Variants in UNC13A observed in about 807,000 individuals in gnomAD.
UNC13A encodes the protein unc-13 homolog A.
UNC13A carries 61 observed loss-of-function variants against 219.7 expected under a neutral mutation model. That is an observed-to-expected ratio of 0.28 (90% confidence interval 0.23 to 0.34). UNC13A has a LOEUF of 0.34. Ranked by LOEUF, UNC13A falls within the 10% of genes least tolerant of loss-of-function variation. The pLI is 1.00. For synonymous variants in UNC13A, 920 were observed against 884.6 expected (o/e 1.04, Z -0.71); for missense variants, 1,476 against 2,270.3 (o/e 0.65, Z 7.11).
chr19:17,648,583 T>C lies in UNC13A; in HGVS notation c.1664A>G (p.Asn555Ser). 2 of 1,613,982 alleles carry C rather than the reference T, an allele frequency of 1.2e-6. No homozygotes were observed. The highest frequency in any genetic ancestry group is 4.5e-5 in the East Asian group (2 of 44,876). Reference protein sequence around the residue: ...IYPISCTTPHNFEVWTATTPT... With the variant: ...IYPISCTTPHSFEVWTATTPT... ...CGTGGTGGCCGTCCACACTTCGAAG[T>C]TGTGTGGCGTCGTGCACGAGATGGG... Residue 555 changes from asparagine (N) to serine (S), a missense_variant, in exon 16 of 44, where the codon AAC (asparagine) becomes AGC (serine). Asn to Ser is a conservative substitution (Grantham distance 46, BLOSUM62 1). Coordinates refer to ENST00000519716, the MANE Select transcript of UNC13A (RefSeq NM_001080421.3).
At chr19:17,635,742 TAAA>T (rs1356143397) in intron 26 of UNC13A, among the ~76,000 whole-genome samples, 2 of 152,128 alleles carry the variant, frequency 1.3e-5, no homozygotes, top group Non-Finnish European at 2.9e-5. Flanking sequence ...TACATACACA[TAAA>T]AAATTATACA....
chr19:17,655,219 C>T, intron 11 of UNC13A, 55 bp downstream of exon 11: 1 of 1,419,970 alleles, frequency 7.0e-7, no homozygotes, highest in Non-Finnish European at 9.6e-7. Flanking sequence ...GTGGGCCTGC[C>T]ATTGGGCGTG....
At chr19:17,673,645 A>G (rs2079838751) in intron 3 of UNC13A, among the ~76,000 whole-genome samples, 1 of 151,836 alleles carries the variant, frequency 6.6e-6, no homozygotes, top group African/African-American at 2.4e-5. Context: ...GTGAGCCGAG[A>G]TTGCACCACT....
Position 17,606,330 on chromosome 19 carries a change from G to A in UNC13A, c.4836C>T (p.Pro1612=), listed in dbSNP as rs745379820. The A allele has an allele frequency of 4.5e-6, 7 of 1,547,390 alleles. No homozygotes were observed. The highest frequency in any genetic ancestry group is 6.1e-6 in the Non-Finnish European group (7 of 1,147,482). Residue 1612 remains proline (P), a synonymous_variant, in exon 44 of 44, where the codon CCC becomes CCT. Coordinates refer to ENST00000519716, the MANE Select transcript of UNC13A (RefSeq NM_001080421.3). ...CGCACACCTGCAGCTCATAGCACTCGGGACCCGCGTCGGCGCTCAGCGTGC... is the reference window on the plus strand; with the variant it reads ...CGCACACCTGCAGCTCATAGCACTCAGGACCCGCGTCGGCGCTCAGCGTGC... ...FQFTLSADAG[P]ECYELQVCVK... is the part of the protein sequence containing the mutation.
At chr19:17,624,122 C>CTTTTTTTTTTTTTTT (rs762349924) in intron 35 of UNC13A, among the ~76,000 whole-genome samples, 1 of 136,464 alleles carries the variant, frequency 7.3e-6, no homozygotes. Context: ...TATGCCTTCT[C>CTTTTTTTTTTTTTTT]TTTTTTTTTT....
At chr19:17,669,006 G>C (rs2079722838) in intron 5 of UNC13A, among the ~76,000 whole-genome samples, 1 of 152,126 alleles carries the variant, frequency 6.6e-6, no homozygotes, top group Non-Finnish European at 1.5e-5. Context: ...AGATGGCCCA[G>C]GCTGGTCTCA....
chr19:17,681,457 C>G (rs1047336898), intron 1 of UNC13A, among the ~76,000 whole-genome samples: 1 of 152,080 alleles, frequency 6.6e-6, no homozygotes, highest in Non-Finnish European at 1.5e-5. Context: ...GATAAAAGAC[C>G]TCAGCTGTGC....
intron 18 of UNC13A, 32 bp from the exon 19 acceptor site, chr19:17,645,875 T>A: frequency 6.3e-7 from 1 of 1,585,372 alleles, no homozygotes; most frequent in Non-Finnish European, 8.6e-7. Flanking sequence ...GAGGCAGGGG[T>A]CAGGCAGCCA....
intron 42 of UNC13A, among the ~76,000 whole-genome samples, chr19:17,610,578 A>T (rs2076592292): frequency 6.6e-6 from 1 of 152,206 alleles, no homozygotes; most frequent in East Asian, 1.9e-4. Context: ...TCATATGACT[A>T]TGTTTTGGCC....
At chr19:17,618,381 A>C in intron 40 of UNC13A, 40 bp downstream of exon 40, 1 of 1,546,206 alleles carries the variant, frequency 6.5e-7, no homozygotes, top group Non-Finnish European at 8.8e-7. Context: ...CACACCCTCT[A>C]CATCCCCCAC....
intron 7 of UNC13A, among the ~76,000 whole-genome samples, chr19:17,665,407 A>G (rs2079622544): frequency 6.6e-6 from 1 of 152,194 alleles, no homozygotes; most frequent in Non-Finnish European, 1.5e-5. Context: ...GTCTGGATGC[A>G]TCTGAGTGTC....
chr19:17,657,872 A>C (rs1433232666), intron 9 of UNC13A, among the ~76,000 whole-genome samples, 190 bp downstream of exon 9: 1 of 146,770 alleles, frequency 6.8e-6, no homozygotes, highest in Non-Finnish European at 1.5e-5. Context: ...CTGTCTAAAA[A>C]AAAAAGAAAA....
At position 17,656,058 on chromosome 19, in the gene UNC13A, T is replaced by C. The variant is rs752581227; in HGVS notation, c.1108A>G (p.Lys370Glu). 2.6e-6 allele frequency: 4 copies of C among 1,556,650 alleles called. No individual in the cohort carries two copies. The highest frequency in any genetic ancestry group is 2.7e-5 in the African/African-American group (2 of 73,384). The change falls in exon 10 of 44, where the codon AAA (lysine) becomes GAA (glutamate). Residue 370 changes from lysine to glutamate, a missense_variant. Coordinates refer to ENST00000519716, the MANE Select transcript of UNC13A (RefSeq NM_001080421.3). ...GGGAGGCTGATGCGTTTGAAGTCTT[T>C]GGGCTCAGCCACAGCTACGTCTTCA... is the stretch of plus-strand genomic sequence containing the variant. ...QREDVAVAEP[K>E]DFKRISLPPA...
At chr19:17,685,903 G>T (rs1262304044) in intron 1 of UNC13A, among the ~76,000 whole-genome samples, 1 of 151,906 alleles carries the variant, frequency 6.6e-6, no homozygotes, top group African/African-American at 2.4e-5. Context: ...CTCCTGCCAA[G>T]CCCACCCCAA....
At chr19:17,650,764 C>T (rs1244962220) in intron 12 of UNC13A, among the ~76,000 whole-genome samples, 1 of 151,650 alleles carries the variant, frequency 6.6e-6, no homozygotes, top group Non-Finnish European at 1.5e-5. Flanking sequence ...AGGCGTGAGC[C>T]ACCATGCCCA....
At chr19:17,634,505 ATT>A (rs1191675670) in intron 26 of UNC13A, among the ~76,000 whole-genome samples, 1 of 151,928 alleles carries the variant, frequency 6.6e-6, no homozygotes, top group Non-Finnish European at 1.5e-5. Flanking sequence ...TGCCCGGCTA[ATT>A]TTTTATATTT....
intron 1 of UNC13A, among the ~76,000 whole-genome samples, chr19:17,687,209 C>G (rs1479824349): frequency 6.6e-6 from 1 of 152,176 alleles, no homozygotes; most frequent in African/African-American, 2.4e-5. Flanking sequence ...GGTCATGCCC[C>G]TCCCACGTCT....
In UNC13A at chr19:17,674,743, C is replaced by A. The variant is rs559576905; in HGVS notation, c.66G>T (p.Thr22=). 7 of 1,613,910 alleles carry A rather than the reference C, an allele frequency of 4.3e-6. No individual in the cohort carries two copies. Among genetic ancestry groups the A allele is most frequent in the African/African-American group, 1.3e-5 (1 of 75,042 alleles). Residue 22 remains threonine (T), a synonymous_variant, in exon 3 of 44, where the codon ACG becomes ACT. Transcript: ENST00000519716. This position sits in a 1 kb window ranked among gnomAD's most constrained non-coding sequence, Gnocchi z 5.0. The stretch of plus-strand genomic sequence containing the variant: ...CATTCTGCACTTTCAGGGTCACGTA[C>A]GTGTTGAATTTCTCTGTGGCAGTGA... ...KFDGAQEKFN[T]YVTLKVQNVK...
At chr19:17,663,629 G>C (rs2079590898) in intron 7 of UNC13A, 62 bp from the exon 8 acceptor site, 1 of 1,537,874 alleles carries the variant, frequency 6.5e-7, no homozygotes, top group Non-Finnish European at 8.8e-7. Context: ...TGTAGGAAGG[G>C]GGCTCCCCTG....
Sources: allele counts gnomAD v4.1 joint callset (sites outside exome capture counted in the v4.1 genomes callset), GRCh38; gene constraint gnomAD v4.1.1; non-coding constraint Gnocchi (gnomAD v3.1); transcripts MANE v1.5; gene names NCBI Gene and HGNC (gene_info 2026-07-23, HGNC 2026-07-21).